Variants in SLC16A7 observed in about 807,000 individuals in gnomAD.
SLC16A7 encodes the protein solute carrier family 16 member 7.
In SLC16A7, 33 loss-of-function variants were observed where a neutral mutation model predicts 34.9. That is an observed-to-expected ratio of 0.94 (90% CI 0.72 to 1.26). SLC16A7 has a LOEUF of 1.26. SLC16A7 is among the 50% of genes most tolerant of loss of function. The pLI, the probability that SLC16A7 is intolerant of heterozygous loss-of-function variation, is 0.00. For missense variants in SLC16A7, 573 were observed against 578.1 expected, an observed-to-expected ratio of 0.99 and a Z score of 0.09; for synonymous variants, 201 against 206.6, an observed-to-expected ratio of 0.97 and a Z score of 0.23.
Position 59,704,883 on chromosome 12 carries a change from A to G in SLC16A7, c.82A>G (p.Ile28Val), listed in dbSNP as rs181763804. ...WGWIVVGAAF[I>V]SIGFSYAFPK... Reference sequence around the variant, plus strand: ...TTGGATTGTGGTTGGAGCAGCTTTTATCTCCATTGGATTTTCCTATGCATT... The same window carrying G: ...TTGGATTGTGGTTGGAGCAGCTTTTGTCTCCATTGGATTTTCCTATGCATT... Residue 28 changes from isoleucine to valine, a missense_variant, in exon 3 of 6, where the codon ATC becomes GTC. By Grantham distance (29) the Ile-to-Val change is conservative. Transcript: ENST00000547379. The G allele has an allele frequency of 1.0e-4, 164 of 1,613,866 alleles. No homozygotes were observed. Among genetic ancestry groups the G allele is most frequent in the Admixed American group, 2.3e-4 (14 of 59,994 alleles).
intron 1 of SLC16A7, among the ~76,000 whole-genome samples, chr12:59,615,023 T>A (rs1380398764): frequency 1.3e-5 from 2 of 150,146 alleles, no homozygotes; most frequent in Non-Finnish European, 3.0e-5. Flanking sequence ...TAAATAAAAA[T>A]AAATAAATAA....
At chr12:59,690,651 T>C (rs998510022) in intron 2 of SLC16A7, among the ~76,000 whole-genome samples, 4 of 152,034 alleles carry the variant, frequency 2.6e-5, no homozygotes, top group African/African-American at 9.7e-5. Context: ...TATTTAGTTG[T>C]TCTTCTCTTC....
intron 1 of SLC16A7, among the ~76,000 whole-genome samples, chr12:59,605,081 G>C (rs1303499715): frequency 6.6e-6 from 1 of 152,146 alleles, no homozygotes; most frequent in Non-Finnish European, 1.5e-5. Flanking sequence ...TTGATCTCCT[G>C]ACCTTTTGAT....
At position 59,721,433 on chromosome 12, in the gene SLC16A7, A is replaced by G. The variant is rs551916568; in HGVS notation, c.217+16415A>G. 1.9e-4 allele frequency among the ~76,000 whole-genome samples: 29 copies of G among 152,038 alleles called. No individual in the cohort carries two copies. The East Asian group carries it at 5.2e-3, about 27-fold the overall frequency. On this transcript the variant is annotated intron_variant, in intron 3 of 5. Transcript: ENST00000547379. Reference sequence around the variant, plus strand: ...TATTAATGGGTATTACTGTGGACAAAATTGTATCTTCTCTCTCCATTAGCA... The same window carrying G: ...TATTAATGGGTATTACTGTGGACAAGATTGTATCTTCTCTCTCCATTAGCA...
At chr12:59,771,636 C>CT (rs1882240362) in intron 4 of SLC16A7, among the ~76,000 whole-genome samples, 1 of 151,700 alleles carries the variant, frequency 6.6e-6, no homozygotes, top group African/African-American at 2.4e-5. Flanking sequence ...TCCTTTTTTG[C>CT]TTTTTTCTCT....
chr12:59,689,601 T>A (rs1000821999), intron 2 of SLC16A7: 20 of 149,478 alleles, frequency 1.3e-4, no homozygotes, highest in Middle Eastern at 3.4e-3. Flanking sequence ...GGGTTTTTTT[T>A]ATTTGATTTT....
chr12:59,760,407 A>G (rs1880881129), intron 3 of SLC16A7, among the ~76,000 whole-genome samples: 1 of 152,078 alleles, frequency 6.6e-6, no homozygotes, highest in African/African-American at 2.4e-5. Flanking sequence ...TCACAATCGC[A>G]TATTCAGTAA....
chr12:59,704,251 G>A (rs1475241506), intron 2 of SLC16A7, among the ~76,000 whole-genome samples: 2 of 148,610 alleles, frequency 1.3e-5, no homozygotes, highest in African/African-American at 2.5e-5. Context: ...AGAAAAAAGT[G>A]AGTTAGAATT....
intron 2 of SLC16A7, chr12:59,664,841 T>G (rs558750592): frequency 6.6e-6 from 1 of 152,150 alleles, no homozygotes. Flanking sequence ...TCTGGAGATA[T>G]GTATGTAAGT....
intron 2 of SLC16A7, among the ~76,000 whole-genome samples, chr12:59,686,265 C>T (rs1871162162): frequency 1.3e-5 from 2 of 151,654 alleles, no homozygotes; most frequent in Non-Finnish European, 2.9e-5. Context: ...GCTAAGACAG[C>T]CGATAAGAGA....
At chr12:59,670,100 T>G (rs1565639269) in intron 2 of SLC16A7, among the ~76,000 whole-genome samples, 1 of 152,220 alleles carries the variant, frequency 6.6e-6, no homozygotes, top group Admixed American at 6.5e-5. Context: ...TAGGGGAATA[T>G]CCTCCCTTGC....
Position 59,783,868 on chromosome 12 carries a change from T to TG in SLC16A7, c.*4193dup, listed in dbSNP as rs748892498. ...TTGTTTTGTTTTGTTTTAGTAGAGA[T>TG]GGGGTTTCTCCTTGTTGGTCAGGCT... On this transcript the variant is annotated 3_prime_UTR_variant, in exon 6 of 6. Transcript: ENST00000547379. 7 of 152,058 alleles carry TG rather than the reference T, an allele frequency of 4.6e-5. No homozygotes were observed. Among genetic ancestry groups the TG allele is most frequent in the Non-Finnish European group, 7.3e-5 (5 of 68,048 alleles). 9.4% of individuals were successfully genotyped at this position (152,058 alleles called of 1,614,324 possible).
At chr12:59,636,016 A>C (rs1880407417) in intron 1 of SLC16A7, among the ~76,000 whole-genome samples, 1 of 151,834 alleles carries the variant, frequency 6.6e-6, no homozygotes. Flanking sequence ...AAAAAAAAAA[A>C]AAACTGTGTA....
chr12:59,667,602 A>G (rs941123769), intron 2 of SLC16A7, among the ~76,000 whole-genome samples: 30 of 152,222 alleles, frequency 2.0e-4, no homozygotes, highest in Non-Finnish European at 3.8e-4. Context: ...CAAAGTGTTC[A>G]AGAGGAAGCA....
At chr12:59,603,899 C>A (rs1816352579) in intron 1 of SLC16A7, among the ~76,000 whole-genome samples, 2 of 152,192 alleles carry the variant, frequency 1.3e-5, no homozygotes, top group East Asian at 3.9e-4. Context: ...GGCAGTTCTA[C>A]TTGTGACTCA....
At chr12:59,729,607 C>A (rs1206842821) in intron 3 of SLC16A7, among the ~76,000 whole-genome samples, 1 of 152,128 alleles carries the variant, frequency 6.6e-6, no homozygotes, top group African/African-American at 2.4e-5. Context: ...TCCCTCCCCA[C>A]CCCTTAATTC....
intron 2 of SLC16A7, among the ~76,000 whole-genome samples, chr12:59,692,699 G>C (rs140249628): frequency 6.6e-6 from 1 of 151,924 alleles, no homozygotes; most frequent in Admixed American, 6.6e-5. Flanking sequence ...TTGCCAGTTA[G>C]CATTCTCAAA....
chr12:59,737,867 G>A (rs908342767), intron 3 of SLC16A7, among the ~76,000 whole-genome samples: 1 of 152,086 alleles, frequency 6.6e-6, no homozygotes, highest in Admixed American at 6.6e-5. Flanking sequence ...TTCTCCAATG[G>A]TTTAGCATAT....
chr12:59,682,939 G>T (rs1476578550), intron 2 of SLC16A7, among the ~76,000 whole-genome samples: 1 of 152,042 alleles, frequency 6.6e-6, no homozygotes, highest in Non-Finnish European at 1.5e-5. Context: ...GGTGGTGGGT[G>T]CCTGTAATCC....
Sources: allele counts gnomAD v4.1 joint callset (sites outside exome capture counted in the v4.1 genomes callset), GRCh38; gene constraint gnomAD v4.1.1; transcripts MANE v1.5; gene names NCBI Gene and HGNC (gene_info 2026-07-23, HGNC 2026-07-21).